The following AKAP13 variants were observed in gnomAD, a reference collection of about 807,000 sequenced individuals.
AKAP13 encodes A-kinase anchor protein 13.
AKAP13 carries 80 observed loss-of-function variants against 264.5 expected under a neutral mutation model. That is an observed-to-expected ratio of 0.30 (90% confidence interval 0.25 to 0.36). The LOEUF is 0.36. AKAP13 is among the 10% of genes least tolerant of loss of function. The probability of loss-of-function intolerance (pLI) is 1.00; values close to 1 mark genes in which losing one functional copy is unlikely to be tolerated. For missense variants in AKAP13, 3,712 were observed against 3,435.2 expected (o/e 1.08, Z -2.01); for synonymous variants, 1,380 against 1,250.2 (o/e 1.10, Z -2.19).
intron 3 of AKAP13, among the ~76,000 whole-genome samples, chr15:85,522,650 C>T (rs1013712169): frequency 1.3e-5 from 2 of 152,094 alleles, no homozygotes; most frequent in Non-Finnish European, 2.9e-5. Flanking sequence ...CTTCCCTTGA[C>T]TTTGATTCTA....
chr15:85,619,857 C>G, intron 8 of AKAP13: 1 of 1,376,262 alleles, frequency 7.3e-7, no homozygotes, highest in Non-Finnish European at 9.4e-7. Context: ...ATCTTTCCAG[C>G]ACTCTGAAGT....
In AKAP13 at chr15:85,471,292, G is replaced by A. The variant is rs189588262; in HGVS notation, c.-11-14418G>A. On this transcript the variant is annotated intron_variant, in intron 1 of 36. Transcript: ENST00000394518. ...AGGCAGATCACAAGGTCAGGAGATC[G>A]AGACCATCCTGGCTAACATGGTGAA... 1.2e-4 allele frequency among the ~76,000 whole-genome samples: 18 copies of A among 152,256 alleles called. No homozygotes were observed. The East Asian group carries it at 3.1e-3, about 26-fold the overall frequency.
chr15:85,675,015 T>C (rs1298113888), intron 14 of AKAP13, among the ~76,000 whole-genome samples: 1 of 152,174 alleles, frequency 6.6e-6, no homozygotes. Flanking sequence ...TATATAAATA[T>C]AAACTTTAAT....
Position 85,684,857 on chromosome 15 carries a change from G to A in AKAP13, c.5273G>A (p.Ser1758Asn). 1 of 1,613,832 alleles carries A rather than the reference G, an allele frequency of 6.2e-7. No individual in the cohort carries two copies. The highest frequency in any genetic ancestry group is 8.5e-7 in the Non-Finnish European group (1 of 1,179,964). ...AGCTACATCAAGAATAAAATGTCTA[G>A]CAGCAAGAAGAGCAAAGTGAGTATC... ...TFSYIKNKMS[S>N]SKKSKEKEKE... Residue 1758 changes from serine to asparagine, a missense_variant, in exon 16 of 37, where the codon AGC becomes AAC. Coordinates refer to ENST00000394518, the MANE Select transcript of AKAP13 (RefSeq NM_007200.5).
intron 19 of AKAP13, among the ~76,000 whole-genome samples, chr15:85,714,499 G>C (rs777805849): frequency 6.6e-6 from 1 of 152,212 alleles, no homozygotes; most frequent in Non-Finnish European, 1.5e-5. Flanking sequence ...CGCTAGCAGG[G>C]AGCGCAGAAG....
At chr15:85,518,602 G>A (rs2076693934) in intron 2 of AKAP13, among the ~76,000 whole-genome samples, 1 of 152,202 alleles carries the variant, frequency 6.6e-6, no homozygotes, top group Non-Finnish European at 1.5e-5. Context: ...GCAGGCCAAG[G>A]CTGGAGGATT....
chr15:85,568,991 T>A (rs376791155), intron 5 of AKAP13, among the ~76,000 whole-genome samples: 1 of 152,122 alleles, frequency 6.6e-6, no homozygotes, highest in East Asian at 1.9e-4. Flanking sequence ...GGATTTGAAA[T>A]AAGGAGCTGA....
At chr15:85,423,930 G>A (rs1041371647) in intron 1 of AKAP13, among the ~76,000 whole-genome samples, 2 of 152,232 alleles carry the variant, frequency 1.3e-5, no homozygotes, top group African/African-American at 4.8e-5. Flanking sequence ...TGACCCAGGT[G>A]CATTGTGAGT....
At chr15:85,734,931 G>T in intron 30 of AKAP13, 61 bp from the exon 31 acceptor site, 1 of 1,584,940 alleles carries the variant, frequency 6.3e-7, no homozygotes, top group South Asian at 1.2e-5. Flanking sequence ...TATATACTAT[G>T]AACTTGTTTT....
intron 7 of AKAP13, chr15:85,582,939 A>G (rs535740862): frequency 2.0e-6 from 2 of 985,466 alleles, no homozygotes; most frequent in East Asian, 2.3e-4. Context: ...ATCTGTGGGT[A>G]ACCATGTTCC....
chr15:85,433,744 C>G (rs1317728102), intron 1 of AKAP13, among the ~76,000 whole-genome samples: 1 of 151,952 alleles, frequency 6.6e-6, no homozygotes, highest in Non-Finnish European at 1.5e-5. Context: ...ATCACCGAGA[C>G]CAGCCTGACC....
intron 30 of AKAP13, among the ~76,000 whole-genome samples, chr15:85,731,242 G>A (rs2088001636): frequency 6.6e-6 from 1 of 152,028 alleles, no homozygotes; most frequent in Non-Finnish European, 1.5e-5. Context: ...CTGACCTCAA[G>A]TTATCCACCC....
chr15:85,662,354 G>T, intron 12 of AKAP13: 1 of 1,609,916 alleles, frequency 6.2e-7, no homozygotes, highest in African/African-American at 1.3e-5. Flanking sequence ...TTTTCTCCCT[G>T]CATTTCTGTT....
intron 12 of AKAP13, among the ~76,000 whole-genome samples, chr15:85,662,809 A>G (rs1245208786): frequency 6.6e-6 from 1 of 152,228 alleles, no homozygotes; most frequent in Non-Finnish European, 1.5e-5. Flanking sequence ...ACTGATTTCT[A>G]TTATGCTTCT....
chr15:85,393,226 G>A (rs2070951419), intron 1 of AKAP13, among the ~76,000 whole-genome samples: 2 of 152,158 alleles, frequency 1.3e-5, no homozygotes, highest in Admixed American at 1.3e-4. Flanking sequence ...ACATCCTCTT[G>A]GATGCTTTGT....
chr15:85,507,659 A>T (rs7180923), intron 2 of AKAP13, among the ~76,000 whole-genome samples: 73,720 of 152,120 alleles, frequency 0.48, 18,591 homozygotes, highest in Middle Eastern at 0.61. Flanking sequence ...TTAGTCAACC[A>T]ATTTGGATGT....
chr15:85,508,817 TC>T (rs1441407446), intron 2 of AKAP13, among the ~76,000 whole-genome samples: 2 of 152,164 alleles, frequency 1.3e-5, no homozygotes, highest in African/African-American at 4.8e-5. Flanking sequence ...AGTTTGTACT[TC>T]CCTTGCACTC....
rs2089330756 is a variant in AKAP13, at chr15:85,745,153, C to G, written c.*476C>G. The stretch of plus-strand genomic sequence containing the variant: ...GGGGAATGCCAGAAGAAGGCCCAGT[C>G]TGCACCAGGCGTCTGGTCAACTTAG... On this transcript the variant is annotated 3_prime_UTR_variant, in exon 37 of 37. Transcript: ENST00000394518. 6.5e-6 allele frequency: 1 copy of G among 155,034 alleles called. No homozygotes were observed. The highest frequency in any genetic ancestry group is 6.2e-5 in the Admixed American group (1 of 16,018). 9.6% of individuals were successfully genotyped at this position (155,034 alleles called of 1,614,324 possible).
chr15:85,710,786 T>C (rs773670568), intron 19 of AKAP13, 141 bp downstream of exon 19: 45 of 915,986 alleles, frequency 4.9e-5, no homozygotes, highest in Non-Finnish European at 7.0e-5. Flanking sequence ...GCTGCTGTTT[T>C]ATCCTGCAGA....
Sources: allele counts gnomAD v4.1 joint callset (sites outside exome capture counted in the v4.1 genomes callset), GRCh38; gene constraint gnomAD v4.1.1; transcripts MANE v1.5; gene names NCBI Gene and HGNC (gene_info 2026-07-23, HGNC 2026-07-21).